Variants in XIST observed in about 807,000 individuals in gnomAD.
XIST encodes the protein X inactive specific transcript.
exon 6 of XIST, chrX:73,821,626 A>G: frequency 1.8e-6 from 1 of 556,781 alleles, no homozygotes; most frequent in South Asian, 2.3e-5. Flanking sequence ...AGACCAATTC[A>G]GAACAAAGGC....
chrX:73,839,441 G>C (rs1192978220), intron 1 of XIST, among the ~76,000 whole-genome samples: 1 of 111,398 alleles, frequency 9.0e-6, no homozygotes, highest in East Asian at 2.8e-4. Flanking sequence ...CAGGGATTTA[G>C]GTATTTGATA....
chrX:73,838,034 G>C (rs1293911749), intron 1 of XIST, among the ~76,000 whole-genome samples: 1 of 111,685 alleles, frequency 9.0e-6, no homozygotes, highest in Non-Finnish European at 1.9e-5. Context: ...TTCCTGGAAA[G>C]ACCTAGTCAA....
exon 1 of XIST, chrX:73,851,959 C>T (rs1475541067): frequency 1.8e-6 from 1 of 557,416 alleles, no homozygotes; most frequent in Non-Finnish European, 3.2e-6. Flanking sequence ...GAGAGTGCAA[C>T]AACCCACAAA....
At chrX:73,836,681 G>A (rs1350344816) in intron 2 of XIST, among the ~76,000 whole-genome samples, 1 of 111,621 alleles carries the variant, frequency 9.0e-6, no homozygotes, top group Non-Finnish European at 1.9e-5. Context: ...GTAGTAATGA[G>A]CGCACCTAGC....
At chrX:73,822,966 C>A (rs886177622) in exon 6 of XIST, 9 of 558,538 alleles carry the variant, frequency 1.6e-5, no homozygotes, top group Non-Finnish European at 2.6e-5. Context: ...AGATAAAGTG[C>A]ACTTTGGTTT....
In XIST at chrX:73,833,104, C is replaced by G. The variant is rs374949978; in HGVS notation, n.11543+134G>C. Reference sequence around the variant, plus strand: ...AACTCCTGGCCTCAAGTGATCCCCCCACCTCAACCTCCCAAAGCCCTGGAA... The same window carrying G: ...AACTCCTGGCCTCAAGTGATCCCCCGACCTCAACCTCCCAAAGCCCTGGAA... On this transcript the variant is annotated intron_variant and non_coding_transcript_variant, in intron 3 of 5. Transcript: ENST00000429829. 58 of 431,271 alleles carry G rather than the reference C, an allele frequency of 1.3e-4. 1 individual carries two copies. Among genetic ancestry groups the G allele is most frequent in the South Asian group, 1.6e-4 (4 of 25,628 alleles). 35.5% of individuals were successfully genotyped at this position (431,271 alleles called of 1,213,427 possible).
At chrX:73,822,161 G>A (rs1417786222) in exon 6 of XIST, 1 of 558,723 alleles carries the variant, frequency 1.8e-6, no homozygotes, top group Middle Eastern at 3.1e-4. Flanking sequence ...GGAATTAGTT[G>A]GTCATCATCC....
At chrX:73,831,694 C>T (rs1186518801) in intron 3 of XIST, among the ~76,000 whole-genome samples, 8 of 111,535 alleles carry the variant, frequency 7.2e-5, no homozygotes, top group Non-Finnish European at 7.5e-5. Context: ...GCTTTCTCAA[C>T]CAAGAGAGCC....
chrX:73,852,006 C>T, exon 1 of XIST: 2 of 550,361 alleles, frequency 3.6e-6, no homozygotes, highest in Middle Eastern at 3.1e-4. Flanking sequence ...CACCGATGGG[C>T]GATGAAAAAA....
At chrX:73,850,311 T>G (rs1922887187) in exon 1 of XIST, 1 of 548,411 alleles carries the variant, frequency 1.8e-6, no homozygotes, top group Non-Finnish European at 3.3e-6. Flanking sequence ...AATGAGAAGC[T>G]AAAAACTTTA....
chrX:73,848,443 G>C (rs928706651), exon 1 of XIST: 3 of 556,214 alleles, frequency 5.4e-6, no homozygotes, highest in African/African-American at 4.5e-5. Context: ...TGAGTAGTAA[G>C]GGTCCCCTGC....
chrX:73,826,867 G>C, exon 6 of XIST: 2 of 558,740 alleles, frequency 3.6e-6, no homozygotes, highest in African/African-American at 4.4e-5. Flanking sequence ...ACAAGTCTCA[G>C]TTCTTAGGCC....
intron 4 of XIST, among the ~76,000 whole-genome samples, chrX:73,829,972 A>C (rs185236042): frequency 9.0e-6 from 1 of 110,641 alleles, no homozygotes; most frequent in African/African-American, 3.3e-5. Context: ...AGTTTGCTTT[A>C]AGTCTCCTGG....
chrX:73,837,990 A>G (rs2147702048), intron 1 of XIST, among the ~76,000 whole-genome samples: 1 of 112,203 alleles, frequency 8.9e-6, no homozygotes, highest in African/African-American at 3.2e-5. Flanking sequence ...AAAAAACATT[A>G]GCAATTAAAC....
intron 3 of XIST, among the ~76,000 whole-genome samples, chrX:73,832,227 G>A (rs975869989): frequency 7.4e-4 from 82 of 110,865 alleles, no homozygotes; most frequent in African/African-American, 2.6e-3. Context: ...TCAGCTACTC[G>A]AGAGGCTGAG....
chrX:73,838,009 T>G (rs1023704880), intron 1 of XIST, among the ~76,000 whole-genome samples: 6 of 112,053 alleles, frequency 5.4e-5, no homozygotes, highest in Non-Finnish European at 1.1e-4. Flanking sequence ...ACTTTGTTTT[T>G]GTACATCAAC....
rs190234898 is a variant in XIST, at chrX:73,825,010, T to C, written n.14891A>G. ...CATTCATTCATAAATATGTAGCCCA[T>C]TGACATTTGTATCATGCTTTAGTTT... is the stretch of plus-strand genomic sequence containing the variant. On this transcript the variant is annotated non_coding_transcript_exon_variant, in exon 6 of 6. Transcript: ENST00000429829. 8.4e-5 allele frequency: 43 copies of C among 514,157 alleles called. No individual in the cohort carries two copies. The Middle Eastern group carries it at 1.3e-3, about 15-fold the overall frequency. The allele number at this position is 514,157 out of a possible 1,213,427, so 42.4% of individuals were successfully genotyped here.
chrX:73,826,980 G>A, exon 6 of XIST: 1 of 558,606 alleles, frequency 1.8e-6, no homozygotes, highest in Non-Finnish European at 3.2e-6. Flanking sequence ...CTGTTTTCTT[G>A]GCTCTTGAGG....
At chrX:73,822,502 AGAAT>A (rs1438208573) in exon 6 of XIST, 2 of 512,859 alleles carry the variant, frequency 3.9e-6, no homozygotes, top group African/African-American at 2.3e-5. Context: ...ATATATTTGT[AGAAT>A]GAATGAATAC....
Sources: gnomAD v4.1 joint callset for allele counts (sites outside exome capture counted in the v4.1 genomes callset) on GRCh38, gnomAD v4.1.1 for gene constraint, MANE v1.5 for transcripts, NCBI Gene and HGNC (gene_info 2026-07-23, HGNC 2026-07-21) for gene names.